Variants in HBA1 observed in about 807,000 individuals in gnomAD.
HBA1 encodes hemoglobin subunit alpha.
HBA1 carries 3 observed loss-of-function variants against 7.8 expected under a neutral mutation model. That is an observed-to-expected ratio of 0.38 (90% confidence interval 0.17 to 0.99). The LOEUF is 0.99. Among genes scored for constraint, HBA1 ranks in the 50% least tolerant of loss-of-function variants. The pLI, the probability that HBA1 is intolerant of heterozygous loss-of-function variation, is 0.38. For missense variants in HBA1, 67 were observed against 194.6 expected (o/e 0.34, Z 3.90); for synonymous variants, 32 against 91.8 (o/e 0.35, Z 3.72).
At position 177,519 on chromosome 16, in the gene HBA1, G is replaced by A. The variant is rs1032781233; in HGVS notation, c.*108G>A. 7 of 1,431,604 alleles carry A rather than the reference G, an allele frequency of 4.9e-6. No homozygotes were observed. Among genetic ancestry groups the A allele is most frequent in the African/African-American group, 1.4e-5 (1 of 70,966 alleles). 88.7% of individuals were successfully genotyped at this position (1,431,604 alleles called of 1,614,324 possible). On this transcript the variant is annotated 3_prime_UTR_variant, in exon 3 of 3. Transcript: ENST00000320868. ...GTCTTTGAATAAAGTCTGAGTGGGC[G>A]GCAGCCTGTGTGTGCCTGAGTTTTT...
chr16:177,330 C>T lies in HBA1; in HGVS notation c.348C>T (p.Ala116=). Residue 116 remains alanine (A), a synonymous_variant, in exon 3 of 3, where the codon GCC becomes GCT. Transcript: ENST00000320868. ...LLVTLAAHLP[A]EFTPAVHASL... is the part of the protein sequence containing the mutation. ...TGACCCTGGCCGCCCACCTCCCCGC[C>T]GAGTTCACCCCTGCGGTGCACGCCT... is the stretch of plus-strand genomic sequence containing the variant. 6.2e-7 allele frequency: 1 copy of T among 1,613,248 alleles called. No homozygotes were observed. Among genetic ancestry groups the T allele is most frequent in the Non-Finnish European group, 8.5e-7 (1 of 1,179,798 alleles).
At position 177,490 on chromosome 16, in the gene HBA1, CG is replaced by C. The variant is rs1902176462; in HGVS notation, c.*80del. ...CCTCCCCTTCCTGCACCCGTACCCC[CG>C]TGGTCTTTGAATAAAGTCTGAGTGG... On this transcript the variant is annotated 3_prime_UTR_variant, in exon 3 of 3. Coordinates refer to ENST00000320868, the MANE Select transcript of HBA1 (RefSeq NM_000558.5). The C allele has an allele frequency of 2.4e-5, 37 of 1,547,870 alleles. 2 individuals are homozygous for C. The highest frequency in any genetic ancestry group is 2.1e-4 in the Admixed American group (11 of 53,056).
rs774082530 is a variant in HBA1, at chr16:177,375, T to C, written c.393T>C (p.Ala131=). The change falls in exon 3 of 3, where the codon GCT becomes GCC. Residue 131 remains alanine, a synonymous_variant. Transcript: ENST00000320868. Reference sequence around the variant, plus strand: ...ACGCCTCCCTGGACAAGTTCCTGGCTTCTGTGAGCACCGTGCTGACCTCCA... The same window carrying C: ...ACGCCTCCCTGGACAAGTTCCTGGCCTCTGTGAGCACCGTGCTGACCTCCA... ...AVHASLDKFL[A]SVSTVLTSKY... 1.2e-6 allele frequency: 2 copies of C among 1,613,796 alleles called. No homozygotes were observed. Among genetic ancestry groups the C allele is most frequent in the Non-Finnish European group, 1.7e-6 (2 of 1,179,970 alleles).
chr16:177,354 CTCCCTGGACAAGT>C lies in HBA1; in HGVS notation c.376_388del (p.Leu126TrpfsTer4), dbSNP rs1902170336. 1 of 1,613,446 alleles carries C rather than the reference CTCCCTGGACAAGT, an allele frequency of 6.2e-7. No homozygotes were observed. The highest frequency in any genetic ancestry group is 1.1e-5 in the South Asian group (1 of 91,004). ...CCGAGTTCACCCCTGCGGTGCACGC[CTCCCTGGACAAGT>C]TCCTGGCTTCTGTGAGCACCGTGCT... is the stretch of plus-strand genomic sequence containing the variant. On this transcript the variant is annotated frameshift_variant, in exon 3 of 3. Transcript: ENST00000320868. LOFTEE classifies it high-confidence loss of function.
chr16:177,376 T>G lies in HBA1; in HGVS notation c.394T>G (p.Ser132Ala), dbSNP rs35974739. ...VHASLDKFLA[S>A]VSTVLTSKYR is the part of the protein sequence containing the mutation. The stretch of plus-strand genomic sequence containing the variant: ...CGCCTCCCTGGACAAGTTCCTGGCT[T>G]CTGTGAGCACCGTGCTGACCTCCAA... Residue 132 changes from serine (S) to alanine (A), a missense_variant, in exon 3 of 3, where the codon TCT (serine) becomes GCT (alanine). This residue lies in a region of HBA1 where 58 missense variants were observed against 91.9 expected (regional missense o/e 0.63). Transcript: ENST00000320868. The G allele has an allele frequency of 1.9e-6, 3 of 1,613,792 alleles. No homozygotes were observed. Among genetic ancestry groups the G allele is most frequent in the Non-Finnish European group, 2.5e-6 (3 of 1,179,968 alleles).
chr16:177,206 C>T, intron 2 of HBA1, 73 bp downstream of exon 2: 13 of 1,612,092 alleles, frequency 8.1e-6, no homozygotes, highest in East Asian at 2.2e-5. Context: ...GAGGATCACG[C>T]GGGTTGCGGG....
At position 177,431 on chromosome 16, in the gene HBA1, T is replaced by C; in HGVS notation, c.*20T>C. On this transcript the variant is annotated 3_prime_UTR_variant, in exon 3 of 3. Coordinates refer to ENST00000320868, the MANE Select transcript of HBA1 (RefSeq NM_000558.5). ...CGTTAAGCTGGAGCCTCGGTGGCCA[T>C]GCTTCTTGCCCCTTGGGCCTCCCCC... The C allele has an allele frequency of 6.2e-7, 1 of 1,612,908 alleles. No homozygotes were observed. Among genetic ancestry groups the C allele is most frequent in the African/African-American group, 1.3e-5 (1 of 75,034 alleles).
chr16:177,386 C>G lies in HBA1; in HGVS notation c.404C>G (p.Thr135Ser), dbSNP rs281864487. The change falls in exon 3 of 3, where the codon ACC (threonine) becomes AGC (serine). Residue 135 changes from threonine to serine, a missense_variant. Transcript: ENST00000320868. The part of the protein sequence containing the change: ...SLDKFLASVS[T>S]VLTSKYR ...GACAAGTTCCTGGCTTCTGTGAGCA[C>G]CGTGCTGACCTCCAAATACCGTTAA... 1.2e-6 allele frequency: 2 copies of G among 1,613,808 alleles called. No homozygotes were observed. Among genetic ancestry groups the G allele is most frequent in the African/African-American group, 1.3e-5 (1 of 75,068 alleles).
rs1483914309 is a variant in HBA1 at position 177,417 on chromosome 16, A to G, written c.*6A>G. 6.8e-6 allele frequency: 11 copies of G among 1,613,342 alleles called. No homozygotes were observed. The highest frequency in any genetic ancestry group is 9.3e-6 in the Non-Finnish European group (11 of 1,179,914). On this transcript the variant is annotated 3_prime_UTR_variant, in exon 3 of 3. Transcript: ENST00000320868. ...TGACCTCCAAATACCGTTAAGCTGG[A>G]GCCTCGGTGGCCATGCTTCTTGCCC... is the stretch of plus-strand genomic sequence containing the variant.
In HBA1 at chr16:177,482, C is replaced by T. The variant is rs11864706; in HGVS notation, c.*71C>T. 2 of 1,559,166 alleles carry T rather than the reference C, an allele frequency of 1.3e-6. No individual in the cohort carries two copies. Among genetic ancestry groups the T allele is most frequent in the South Asian group, 1.2e-5 (1 of 86,716 alleles). On this transcript the variant is annotated 3_prime_UTR_variant, in exon 3 of 3. Coordinates refer to ENST00000320868, the MANE Select transcript of HBA1 (RefSeq NM_000558.5). ...CAGCCCCTCCTCCCCTTCCTGCACC[C>T]GTACCCCCGTGGTCTTTGAATAAAG...
In HBA1 at chr16:176,711, C is replaced by G. The variant is rs554412411; in HGVS notation, c.-6C>G. The stretch of plus-strand genomic sequence containing the variant: ...CTGGTCCCCACAGACTCAGAGAGAA[C>G]CCACCATGGTGCTGTCTCCTGCCGA... On this transcript the variant is annotated 5_prime_UTR_variant, in exon 1 of 3. Coordinates refer to ENST00000320868, the MANE Select transcript of HBA1 (RefSeq NM_000558.5). 6.2e-7 allele frequency: 1 copy of G among 1,607,664 alleles called. No homozygotes were observed. Among genetic ancestry groups the G allele is most frequent in the Non-Finnish European group, 8.5e-7 (1 of 1,177,456 alleles).
rs1902174006 is a variant in HBA1, at chr16:177,431, T to G, written c.*20T>G. 6.2e-7 allele frequency: 1 copy of G among 1,612,908 alleles called. No individual in the cohort carries two copies. Among genetic ancestry groups the G allele is most frequent in the Non-Finnish European group, 8.5e-7 (1 of 1,179,678 alleles). On this transcript the variant is annotated 3_prime_UTR_variant, in exon 3 of 3. Coordinates refer to ENST00000320868, the MANE Select transcript of HBA1 (RefSeq NM_000558.5). ...CGTTAAGCTGGAGCCTCGGTGGCCATGCTTCTTGCCCCTTGGGCCTCCCCC... is the reference window on the plus strand; with the variant it reads ...CGTTAAGCTGGAGCCTCGGTGGCCAGGCTTCTTGCCCCTTGGGCCTCCCCC...
At position 177,217 on chromosome 16, in the gene HBA1, A is replaced by T. The variant is rs1023498045; in HGVS notation, c.301-66A>T. On this transcript the variant is annotated intron_variant, in intron 2 of 2. Coordinates refer to ENST00000320868, the MANE Select transcript of HBA1 (RefSeq NM_000558.5). ...GGCAGAGGATCACGCGGGTTGCGGG[A>T]GGTGTAGCGCAGGCGGCGGCTGCGG... 3.7e-6 allele frequency: 6 copies of T among 1,612,118 alleles called. No individual in the cohort carries two copies. In the African/African-American group the frequency reaches 6.7e-5, roughly 18 times the overall value.
chr16:177,498 T>C lies in HBA1; in HGVS notation c.*87T>C. The C allele has an allele frequency of 6.5e-7, 1 of 1,527,128 alleles. No homozygotes were observed. Among genetic ancestry groups the C allele is most frequent in the Non-Finnish European group, 8.9e-7 (1 of 1,120,782 alleles). 94.6% of individuals were successfully genotyped at this position (1,527,128 alleles called of 1,614,324 possible). A position where few individuals can be genotyped will look rare whatever the true frequency, so the allele number is the denominator to read the frequency against. On this transcript the variant is annotated 3_prime_UTR_variant, in exon 3 of 3. Transcript: ENST00000320868. ...TCCTGCACCCGTACCCCCGTGGTCT[T>C]TGAATAAAGTCTGAGTGGGCGGCAG...
Position 177,387 on chromosome 16 carries a change from C to T in HBA1, c.405C>T (p.Thr135=), listed in dbSNP as rs1209289865. The T allele has an allele frequency of 2.5e-6, 4 of 1,613,772 alleles. No homozygotes were observed. The highest frequency in any genetic ancestry group is 2.2e-5 in the East Asian group (1 of 44,864). Residue 135 remains threonine, a synonymous_variant, in exon 3 of 3, where the codon ACC becomes ACT. Coordinates refer to ENST00000320868, the MANE Select transcript of HBA1 (RefSeq NM_000558.5). Reference sequence around the variant, plus strand: ...ACAAGTTCCTGGCTTCTGTGAGCACCGTGCTGACCTCCAAATACCGTTAAG... The same window carrying T: ...ACAAGTTCCTGGCTTCTGTGAGCACTGTGCTGACCTCCAAATACCGTTAAG... ...SLDKFLASVS[T]VLTSKYR is the part of the protein sequence containing the mutation.
At position 177,477 on chromosome 16, in the gene HBA1, G is replaced by GC; in HGVS notation, c.*67dup. ...CCCCCCAGCCCCTCCTCCCCTTCCT[G>GC]CACCCGTACCCCCGTGGTCTTTGAA... On this transcript the variant is annotated 3_prime_UTR_variant, in exon 3 of 3. Coordinates refer to ENST00000320868, the MANE Select transcript of HBA1 (RefSeq NM_000558.5). 1.3e-6 allele frequency: 2 copies of GC among 1,570,986 alleles called. No individual in the cohort carries two copies. Among genetic ancestry groups the GC allele is most frequent in the Non-Finnish European group, 1.7e-6 (2 of 1,153,216 alleles).
chr16:177,241 G>T (rs1205961296), intron 2 of HBA1, 42 bp from the exon 3 acceptor site: 1 of 1,612,644 alleles, frequency 6.2e-7, no homozygotes, highest in East Asian at 2.2e-5. Context: ...CGGCGGCTGC[G>T]GGCCTGGGCC....
chr16:177,122 G>A lies in HBA1; in HGVS notation c.289G>A (p.Val97Ile), dbSNP rs281864551. Residue 97 changes from valine (V) to isoleucine (I), a missense_variant, in exon 2 of 3, where the codon GTC (valine) becomes ATC (isoleucine). Transcript: ENST00000320868. ...LHAHKLRVDP[V>I]NFKLLSHCLL... ...CGCGCACAAGCTTCGGGTGGACCCG[G>A]TCAACTTCAAGGTGAGCGGCGGGCC... 6 of 1,572,556 alleles carry A rather than the reference G, an allele frequency of 3.8e-6. No homozygotes were observed. The highest frequency in any genetic ancestry group is 5.2e-6 in the Non-Finnish European group (6 of 1,160,980).
rs781242079 is a variant in HBA1, at chr16:177,452, C to A, written c.*41C>A. 1 of 1,601,636 alleles carries A rather than the reference C, an allele frequency of 6.2e-7. No homozygotes were observed. Among genetic ancestry groups the A allele is most frequent in the Non-Finnish European group, 8.5e-7 (1 of 1,172,852 alleles). ...GCCATGCTTCTTGCCCCTTGGGCCTCCCCCCAGCCCCTCCTCCCCTTCCTG... is the reference window on the plus strand; with the variant it reads ...GCCATGCTTCTTGCCCCTTGGGCCTACCCCCAGCCCCTCCTCCCCTTCCTG... On this transcript the variant is annotated 3_prime_UTR_variant, in exon 3 of 3. Transcript: ENST00000320868.
Sources: gnomAD v4.1 joint callset for allele counts on GRCh38, gnomAD v4.1.1 for gene constraint, gnomAD v4.1.1 regional missense constraint, MANE v1.5 for transcripts, NCBI Gene and HGNC (gene_info 2026-07-23, HGNC 2026-07-21) for gene names.